TENM3: variants seen among roughly 807,000 people sequenced by gnomAD.
The protein encoded by TENM3 is teneurin transmembrane protein 3.
TENM3 carries 63 observed loss-of-function variants against 255.1 expected under a neutral mutation model. That is an observed-to-expected ratio of 0.25 (90% CI 0.20 to 0.30). The LOEUF is 0.30. Ranked by LOEUF, TENM3 falls within the 10% of genes least tolerant of loss-of-function variation. TENM3 has a pLI of 1.00. For synonymous variants in TENM3, 1,306 were observed against 1,322.3 expected, an observed-to-expected ratio of 0.99 and a Z score of 0.27; for missense variants, 2,929 against 3,461.1, an observed-to-expected ratio of 0.85 and a Z score of 3.86.
intron 1 of TENM3, among the ~76,000 whole-genome samples, chr4:182,262,871 G>A (rs570284163): frequency 1.1e-4 from 16 of 151,820 alleles, no homozygotes; most frequent in African/African-American, 2.4e-4. Context: ...CCACCACCAC[G>A]CCCGGCTAAT....
At chr4:182,309,259 T>C (rs1339871491) in intron 1 of TENM3, among the ~76,000 whole-genome samples, 1 of 152,172 alleles carries the variant, frequency 6.6e-6, no homozygotes, top group Non-Finnish European at 1.5e-5. Context: ...TTTCCCACTT[T>C]CCAGGGATCC....
At chr4:182,661,113 A>G (rs1317439764) in intron 6 of TENM3, among the ~76,000 whole-genome samples, 2 of 152,172 alleles carry the variant, frequency 1.3e-5, no homozygotes, top group Admixed American at 6.5e-5. Context: ...TTGAAAAACT[A>G]CAAATATGTG....
At chr4:181,831,552 A>G in the TENM3 span, among the ~76,000 whole-genome samples, 2 of 152,036 alleles carry the variant, frequency 1.3e-5, no homozygotes, top group African/African-American at 4.8e-5. Context: ...ACATAAGGGA[A>G]TTTTATGTGT....
intron 1 of TENM3, among the ~76,000 whole-genome samples, chr4:182,219,856 G>C (rs920878375): frequency 2.0e-5 from 3 of 152,148 alleles, no homozygotes; most frequent in Non-Finnish European, 4.4e-5. Context: ...CTCCTAAGGG[G>C]AAGGCAAATC....
At chr4:182,192,026 G>A (rs917414132) in intron 1 of TENM3, among the ~76,000 whole-genome samples, 7 of 152,228 alleles carry the variant, frequency 4.6e-5, no homozygotes, top group African/African-American at 1.7e-4. Flanking sequence ...TGTATGGCCT[G>A]CATGCTAAGA....
chr4:182,133,400 C>T, the TENM3 span, among the ~76,000 whole-genome samples: 11 of 152,074 alleles, frequency 7.2e-5, no homozygotes, highest in African/African-American at 2.2e-4. Context: ...TATATTTATT[C>T]GGGATTTCTA....
the TENM3 span, among the ~76,000 whole-genome samples, chr4:181,804,070 G>GGAAA: frequency 0.01 from 868 of 83,170 alleles, 13 homozygotes; most frequent in South Asian, 0.049. Context: ...GAAAGAGAAA[G>GGAAA]GAAAGAAAGA....
At chr4:182,604,377 C>T (rs1018146526) in intron 4 of TENM3, among the ~76,000 whole-genome samples, 1 of 152,330 alleles carries the variant, frequency 6.6e-6, no homozygotes, top group Admixed American at 6.5e-5. Context: ...TGCTTGCTTA[C>T]AATTTTCCTG....
the TENM3 span, among the ~76,000 whole-genome samples, chr4:182,054,359 G>T: frequency 1.7e-4 from 26 of 152,250 alleles, no homozygotes; most frequent in Middle Eastern, 0.01. Flanking sequence ...AGAGACTCAT[G>T]GTCACCTGTA....
intron 3 of TENM3, among the ~76,000 whole-genome samples, chr4:182,558,569 G>T (rs1436032240): frequency 6.6e-6 from 1 of 152,112 alleles, no homozygotes; most frequent in Non-Finnish European, 1.5e-5. Context: ...GTAGATTGGG[G>T]ATATAAATGC....
intron 1 of TENM3, among the ~76,000 whole-genome samples, chr4:182,291,091 G>A (rs994727942): frequency 3.9e-5 from 6 of 152,182 alleles, no homozygotes; most frequent in Non-Finnish European, 7.3e-5. Flanking sequence ...AAAGTGCTGG[G>A]ATTACGAGTG....
intron 3 of TENM3, among the ~76,000 whole-genome samples, chr4:182,461,691 T>C (rs1188710993): frequency 6.6e-6 from 1 of 152,198 alleles, no homozygotes; most frequent in Admixed American, 6.5e-5. Context: ...CTTAAACTTA[T>C]TAAGAACAGT....
At chr4:181,891,621 C>A in the TENM3 span, among the ~76,000 whole-genome samples, 1 of 152,200 alleles carries the variant, frequency 6.6e-6, no homozygotes, top group South Asian at 2.1e-4. Context: ...TTAGATTGCT[C>A]ATCCACTCTT....
At chr4:181,505,351 CCAA>C in the TENM3 span, among the ~76,000 whole-genome samples, 1 of 152,110 alleles carries the variant, frequency 6.6e-6, no homozygotes, top group African/African-American at 2.4e-5. Flanking sequence ...ACTTTGGCAC[CCAA>C]CAGTAAATAA....
chr4:181,635,682 CCA>C, the TENM3 span, among the ~76,000 whole-genome samples: 4 of 152,214 alleles, frequency 2.6e-5, no homozygotes, highest in East Asian at 7.7e-4. Flanking sequence ...CAGAGGCCTA[CCA>C]CTTCCGCTTT....
the TENM3 span, among the ~76,000 whole-genome samples, chr4:181,931,722 A>C: frequency 1.8e-4 from 28 of 152,318 alleles, no homozygotes; most frequent in East Asian, 5.8e-4. Flanking sequence ...AATCCTAAGC[A>C]AAAAGAACAA....
chr4:181,966,286 G>A, the TENM3 span, among the ~76,000 whole-genome samples: 1 of 152,102 alleles, frequency 6.6e-6, no homozygotes, highest in African/African-American at 2.4e-5. Context: ...AGTTTGGGGT[G>A]GTGGGGATGA....
chr4:182,793,458 C>T lies in TENM3; in HGVS notation c.6786C>T (p.Val2262=), dbSNP rs748531158. 9 of 1,613,930 alleles carry T rather than the reference C, an allele frequency of 5.6e-6. No individual in the cohort carries two copies. The South Asian group carries it at 7.7e-5, about 14-fold the overall frequency. The change falls in exon 26 of 28, where the codon GTC becomes GTT. Residue 2262 remains valine (V), a synonymous_variant. Coordinates refer to ENST00000511685, the MANE Select transcript of TENM3 (RefSeq NM_001080477.4). This position sits in a 1 kb window ranked among gnomAD's most constrained non-coding sequence, Gnocchi z 5.7. ...DLTYPTRITH[V]YNHSSSEITS... Reference sequence around the variant, plus strand: ...CTTATCCCACTAGGATTACTCATGTCTACAACCATTCGAGTTCAGAAATTA... The same window carrying T: ...CTTATCCCACTAGGATTACTCATGTTTACAACCATTCGAGTTCAGAAATTA...
the TENM3 span, among the ~76,000 whole-genome samples, chr4:181,615,340 G>A: frequency 7.4e-4 from 113 of 152,130 alleles, no homozygotes; most frequent in Non-Finnish European, 1.4e-3. Context: ...AATCCTGACC[G>A]CAGCTCAGGA....
Sources: gnomAD v4.1 joint callset for allele counts (sites outside exome capture counted in the v4.1 genomes callset) on GRCh38, gnomAD v4.1.1 for gene constraint, Gnocchi (gnomAD v3.1) non-coding constraint, MANE v1.5 for transcripts, NCBI Gene and HGNC (gene_info 2026-07-23, HGNC 2026-07-21) for gene names.